Variants in KLHL14 observed in about 807,000 individuals in gnomAD.
The protein encoded by KLHL14 is kelch like family member 14.
In KLHL14, 22 loss-of-function variants were observed where a neutral mutation model predicts 64.3. The ratio of observed to expected loss-of-function variants is 0.34; its 90% confidence interval spans 0.24 to 0.49. The LOEUF (loss-of-function observed/expected upper bound fraction) is 0.49, where lower values mean the gene tolerates loss of function less well. KLHL14 is among the 20% of genes least tolerant of loss of function. The probability of loss-of-function intolerance (pLI) is 0.99; values close to 1 mark genes in which losing one functional copy is unlikely to be tolerated. For missense variants in KLHL14, 661 were observed against 789.0 expected (o/e 0.84, Z 1.94); for synonymous variants, 322 against 333.4 (o/e 0.97, Z 0.37).
chr18:32,769,895 C>G lies in KLHL14; in HGVS notation c.697G>C (p.Glu233Gln). The G allele has an allele frequency of 6.2e-7, 1 of 1,614,086 alleles. No individual in the cohort carries two copies. Among genetic ancestry groups the G allele is most frequent in the Non-Finnish European group, 8.5e-7 (1 of 1,180,036 alleles). The change falls in exon 2 of 9, where the codon GAG becomes CAG. Residue 233 changes from glutamate to glutamine, a missense_variant. Around this residue, in one of 2 missense-constraint regions of KLHL14, gnomAD observed 331 missense variants for 339.0 expected, o/e 0.98. Transcript: ENST00000359358. ...ALLDSLPPPV[E>Q]SELALFQMSV... ...ATCTGGAAGAGCGCCAGCTCCGACTCCACGGGGGGCGGCAGCGAGTCCAGC... is the reference window on the plus strand; with the variant it reads ...ATCTGGAAGAGCGCCAGCTCCGACTGCACGGGGGGCGGCAGCGAGTCCAGC...
At chr18:32,738,851 C>T (rs12969191) in intron 3 of KLHL14, among the ~76,000 whole-genome samples, 6 of 152,186 alleles carry the variant, frequency 3.9e-5, no homozygotes, top group African/African-American at 9.6e-5. Flanking sequence ...CCCCTTACAT[C>T]GTATTTCTGA....
chr18:32,703,603 G>A (rs1271652499), intron 3 of KLHL14, among the ~76,000 whole-genome samples: 1 of 152,184 alleles, frequency 6.6e-6, no homozygotes, highest in Non-Finnish European at 1.5e-5. Flanking sequence ...TTGATTTACA[G>A]TTTTAGTTCT....
At position 32,770,474 on chromosome 18, in the gene KLHL14, G is replaced by T. The variant is rs764507641; in HGVS notation, c.118C>A (p.Gln40Lys). ...TTGTGGCAATGGAACTGCTGGCCCT[G>T]GGCCGTCAGGGTCACGTCGCAAAAC... ...QLFCDVTLTA[Q>K]GQQFHCHKAV... The change falls in exon 2 of 9, where the codon CAG (glutamine) becomes AAG (lysine). Residue 40 changes from glutamine (Q) to lysine (K), a missense_variant. By Grantham distance (53) the Gln-to-Lys change is moderately conservative. Transcript: ENST00000359358. This position sits in a 1 kb window ranked among gnomAD's most constrained non-coding sequence, Gnocchi z 6.7. 3.1e-6 allele frequency: 5 copies of T among 1,612,636 alleles called. No individual in the cohort carries two copies. The highest frequency in any genetic ancestry group is 4.2e-6 in the Non-Finnish European group (5 of 1,179,926).
At chr18:32,753,882 C>T (rs1390157018) in intron 2 of KLHL14, among the ~76,000 whole-genome samples, 1 of 152,236 alleles carries the variant, frequency 6.6e-6, no homozygotes, top group Non-Finnish European at 1.5e-5. Context: ...TCCTACTTAG[C>T]ACCTTTCTTC....
chr18:32,772,016 G>T (rs536479207), intron 1 of KLHL14: 2 of 227,216 alleles, frequency 8.8e-6, no homozygotes, highest in African/African-American at 2.4e-5. Context: ...AGGCGAAATC[G>T]ATACGCCAGG....
At chr18:32,747,925 A>T (rs1043445388) in intron 2 of KLHL14, among the ~76,000 whole-genome samples, 1 of 152,234 alleles carries the variant, frequency 6.6e-6, no homozygotes, top group Non-Finnish European at 1.5e-5. Flanking sequence ...CTACTGATTT[A>T]GACACTTTGC....
chr18:32,687,139 A>G lies in KLHL14; in HGVS notation c.1238+16T>C. On this transcript the variant is annotated intron_variant, in intron 5 of 8. Coordinates refer to ENST00000359358, the MANE Select transcript of KLHL14 (RefSeq NM_020805.3). ...AGCCGTCACAAACGTTTCAGGTGCA[A>G]GAAATAAACACTTACCTTTCCTGCA... is the stretch of plus-strand genomic sequence containing the variant. The G allele has an allele frequency of 6.2e-7, 1 of 1,608,078 alleles. No homozygotes were observed. The highest frequency in any genetic ancestry group is 8.5e-7 in the Non-Finnish European group (1 of 1,174,526).
chr18:32,770,317 G>GGCT lies in KLHL14; in HGVS notation c.272_274dup (p.Gln91dup), dbSNP rs776481580. 3 of 1,585,988 alleles carry GGCT rather than the reference G, an allele frequency of 1.9e-6. No homozygotes were observed. The highest frequency in any genetic ancestry group is 2.7e-5 in the African/African-American group (2 of 74,334). On this transcript the variant is annotated inframe_insertion, in exon 2 of 9. Transcript: ENST00000359358. This position sits in a 1 kb window ranked among gnomAD's most constrained non-coding sequence, Gnocchi z 6.7. The stretch of plus-strand genomic sequence containing the variant: ...CGGCGGCGGCTGCTGCTGCTGTGAC[G>GGCT]GCTGCTGCTGCGGCGGCTGCTGCTG...
At chr18:32,739,539 A>C (rs934162451) in intron 3 of KLHL14, among the ~76,000 whole-genome samples, 4 of 152,148 alleles carry the variant, frequency 2.6e-5, no homozygotes, top group African/African-American at 9.7e-5. Context: ...CAGTGAAATG[A>C]ACATTGTTAA....
chr18:32,767,219 A>G (rs1400038330), intron 2 of KLHL14, among the ~76,000 whole-genome samples: 1 of 152,208 alleles, frequency 6.6e-6, no homozygotes, highest in Non-Finnish European at 1.5e-5. Flanking sequence ...TGATGCTATA[A>G]TAAATGGGCT....
rs545805866 is a variant in KLHL14 at position 32,769,606 on chromosome 18, A to AC, written c.947+38dup. The AC allele has an allele frequency of 5.1e-3, 1,760 of 342,936 alleles. 26 individuals are homozygous for AC. In the African/African-American group the frequency reaches 0.065, roughly 13 times the overall value. 21.2% of individuals were successfully genotyped at this position (342,936 alleles called of 1,614,324 possible). On this transcript the variant is annotated intron_variant, in intron 2 of 8. Coordinates refer to ENST00000359358, the MANE Select transcript of KLHL14 (RefSeq NM_020805.3). ...CCCTCCCTCCGGCCTCTCTGGCTCT[A>AC]CCCCCCCCTCCCCCGCCCTCCTCTT...
chr18:32,736,698 C>T (rs2050168061), intron 3 of KLHL14, among the ~76,000 whole-genome samples: 1 of 152,066 alleles, frequency 6.6e-6, no homozygotes, highest in African/African-American at 2.4e-5. Context: ...AAATTTATTT[C>T]AGTTGCCAAA....
Position 32,770,565 on chromosome 18 carries a change from G to A in KLHL14, c.27C>T (p.Ser9=), listed in dbSNP as rs1196003303. The change falls in exon 2 of 9, where the codon TCC becomes TCT. Residue 9 remains serine, a synonymous_variant. Transcript: ENST00000359358. This position sits in a 1 kb window ranked among gnomAD's most constrained non-coding sequence, Gnocchi z 6.7. The part of the protein sequence containing the change: MSRSGDRT[S]TFDPSHSDNL... The stretch of plus-strand genomic sequence containing the variant: ...TGTCGCTGTGGCTGGGGTCGAAGGT[G>A]GAGGTCCTGTCCCCGGATCTGGACA... 7 of 1,591,330 alleles carry A rather than the reference G, an allele frequency of 4.4e-6. No homozygotes were observed. In the African/African-American group the frequency reaches 8.0e-5, roughly 18 times the overall value.
Position 32,730,488 on chromosome 18 carries a change from T to C in KLHL14, c.1069+11440A>G, listed in dbSNP as rs1485981204. On this transcript the variant is annotated intron_variant, in intron 3 of 8. Transcript: ENST00000359358. Reference sequence around the variant, plus strand: ...TGATTTTTTCCCCTTTCATCTAAGATATTTTTAATGCTCAGAGGCATTATA... The same window carrying C: ...TGATTTTTTCCCCTTTCATCTAAGACATTTTTAATGCTCAGAGGCATTATA... 4.6e-5 allele frequency among the ~76,000 whole-genome samples: 7 copies of C among 152,240 alleles called. 1 individual carries two copies. The highest frequency in any genetic ancestry group is 2.6e-4 in the Admixed American group (4 of 15,284).
intron 2 of KLHL14, among the ~76,000 whole-genome samples, chr18:32,747,236 G>A (rs2050228165): frequency 6.6e-6 from 1 of 152,174 alleles, no homozygotes; most frequent in Non-Finnish European, 1.5e-5. Context: ...TTTCATGGAA[G>A]ACAGTTTTTC....
chr18:32,772,313 C>A, intron 1 of KLHL14: 1 of 298,816 alleles, frequency 3.3e-6, no homozygotes, highest in Non-Finnish European at 7.2e-6. Context: ...CCTCGCGCTC[C>A]CTCCGCCGGC....
intron 2 of KLHL14, among the ~76,000 whole-genome samples, chr18:32,749,608 G>T (rs1013127862): frequency 1.3e-5 from 2 of 152,122 alleles, no homozygotes; most frequent in African/African-American, 4.8e-5. Flanking sequence ...TACTGAAGGG[G>T]GAAAATATTG....
In KLHL14 at chr18:32,699,907, T is replaced by C. The variant is rs192698185; in HGVS notation, c.1070-4355A>G. Among the ~76,000 whole-genome samples the C allele has an allele frequency of 2.8e-4, 43 of 151,370 alleles. 1 individual carries two copies. In the East Asian group the frequency reaches 8.2e-3, roughly 29 times the overall value. On this transcript the variant is annotated intron_variant, in intron 3 of 8. Transcript: ENST00000359358. ...ACTGAGAAAATCAGCCAGTTAAGGG[T>C]GGGTAGAATCTGTTGGCAGATTTTT...
chr18:32,726,118 C>A (rs985979067), intron 3 of KLHL14, among the ~76,000 whole-genome samples: 5 of 152,226 alleles, frequency 3.3e-5, no homozygotes, highest in Non-Finnish European at 5.9e-5. Flanking sequence ...TTGGCCAAAT[C>A]CAGCCCTCTG....
Sources: allele counts gnomAD v4.1 joint callset (sites outside exome capture counted in the v4.1 genomes callset), GRCh38; gene constraint gnomAD v4.1.1; regional missense constraint gnomAD v4.1.1; non-coding constraint Gnocchi (gnomAD v3.1); transcripts MANE v1.5; gene names NCBI Gene and HGNC (gene_info 2026-07-23, HGNC 2026-07-21).